The following GRID2 variants were observed in gnomAD, a reference collection of about 807,000 sequenced individuals.
GRID2 encodes the protein glutamate receptor ionotropic, delta-2.
GRID2 carries 33 observed loss-of-function variants against 114.8 expected under a neutral mutation model. The observed-to-expected ratio is 0.29, with a 90% confidence interval of 0.22 to 0.38. GRID2 has a LOEUF of 0.38. Among genes scored for constraint, GRID2 ranks in the 10% least tolerant of loss-of-function variants. GRID2 has a pLI of 1.00. For synonymous variants in GRID2, 505 were observed against 449.9 expected (o/e 1.12, Z -1.55); for missense variants, 1,184 against 1,257.7 (o/e 0.94, Z 0.89).
chr4:92,386,722 T>C (rs894592185), intron 1 of GRID2, among the ~76,000 whole-genome samples: 1 of 151,830 alleles, frequency 6.6e-6, no homozygotes, highest in Non-Finnish European at 1.5e-5. Context: ...CATAAGACAA[T>C]ATGGATTAAA....
rs565525334 is a variant in GRID2, at chr4:93,594,219, C to T, written c.2194-32050C>T. ...TTTTGGTCTTTGGTATGGTGATGTA[C>T]AGATGGGTTTTTGGTGTGGATGTCC... is the stretch of plus-strand genomic sequence containing the variant. On this transcript the variant is annotated intron_variant, in intron 13 of 15. Transcript: ENST00000282020. 3.8e-3 allele frequency among the ~76,000 whole-genome samples: 575 copies of T among 152,050 alleles called. 1 individual carries two copies. Among genetic ancestry groups the T allele is most frequent in the Admixed American group, 9.1e-3 (139 of 15,274 alleles).
intron 10 of GRID2, among the ~76,000 whole-genome samples, chr4:93,447,191 C>T (rs1371328265): frequency 6.6e-6 from 1 of 151,872 alleles, no homozygotes; most frequent in Non-Finnish European, 1.5e-5. Flanking sequence ...AACAAAAGCA[C>T]TACATGTAAA....
Position 93,600,487 on chromosome 4 carries a change from C to A in GRID2, c.2194-25782C>A, listed in dbSNP as rs369131984. On this transcript the variant is annotated intron_variant, in intron 13 of 15. Transcript: ENST00000282020. ...AATACTTAATTAACATCATTAGCCA[C>A]CAAGAAAATATAAATTGAAACCACA... 8.6e-5 allele frequency among the ~76,000 whole-genome samples: 13 copies of A among 151,830 alleles called. No homozygotes were observed. In the South Asian group the frequency reaches 1.0e-3, roughly 12 times the overall value.
chr4:93,579,848 T>G (rs1736787613), intron 13 of GRID2, among the ~76,000 whole-genome samples: 1 of 152,192 alleles, frequency 6.6e-6, no homozygotes, highest in Admixed American at 6.5e-5. Context: ...TTTCGTTTTC[T>G]TTATCCCTGT....
chr4:93,393,737 C>G (rs1765070469), intron 8 of GRID2, among the ~76,000 whole-genome samples: 1 of 151,892 alleles, frequency 6.6e-6, no homozygotes, highest in African/African-American at 2.4e-5. Context: ...CACTGTTAAT[C>G]CAGTTGCTGA....
At chr4:93,145,751 C>A (rs778383883) in intron 4 of GRID2, among the ~76,000 whole-genome samples, 6 of 139,370 alleles carry the variant, frequency 4.3e-5, no homozygotes, top group Non-Finnish European at 6.0e-5. Context: ...CCGCCTGGAC[C>A]TCTCAAAATT....
intron 14 of GRID2, among the ~76,000 whole-genome samples, chr4:93,764,613 T>A (rs2110321157): frequency 6.6e-6 from 1 of 152,296 alleles, no homozygotes; most frequent in South Asian, 2.1e-4. Flanking sequence ...GTAAGTGTTG[T>A]TATGCATCAC....
intron 13 of GRID2, among the ~76,000 whole-genome samples, chr4:93,520,337 T>G (rs935327038): frequency 7.3e-5 from 11 of 150,586 alleles, no homozygotes; most frequent in Non-Finnish European, 3.0e-5. Flanking sequence ...AGGGTAAGAA[T>G]GGAAAAAAAA....
intron 2 of GRID2, among the ~76,000 whole-genome samples, chr4:93,021,084 C>G (rs965496983): frequency 3.3e-5 from 5 of 150,786 alleles, no homozygotes; most frequent in Non-Finnish European, 7.4e-5. Context: ...AATTAATAAT[C>G]CTGTCATTAA....
chr4:93,716,662 A>G (rs1296707864), intron 14 of GRID2, among the ~76,000 whole-genome samples: 1 of 151,954 alleles, frequency 6.6e-6, no homozygotes, highest in Non-Finnish European at 1.5e-5. Flanking sequence ...ATATACATTT[A>G]TAATGAAAGT....
At chr4:93,327,242 T>G (rs1053675192) in intron 8 of GRID2, among the ~76,000 whole-genome samples, 1 of 152,208 alleles carries the variant, frequency 6.6e-6, no homozygotes, top group Non-Finnish European at 1.5e-5. Context: ...AAAGACTGCA[T>G]GATATTCCTT....
intron 1 of GRID2, among the ~76,000 whole-genome samples, chr4:92,376,856 G>A (rs1489565178): frequency 2.0e-5 from 3 of 152,122 alleles, no homozygotes; most frequent in Non-Finnish European, 2.9e-5. Flanking sequence ...CAAGGATGGA[G>A]TAGCTGGGAC....
intron 14 of GRID2, among the ~76,000 whole-genome samples, chr4:93,702,663 T>A (rs1727613713): frequency 6.6e-6 from 1 of 152,156 alleles, no homozygotes; most frequent in Non-Finnish European, 1.5e-5. Context: ...CTTCTGAAAG[T>A]GTTTGTATCA....
chr4:92,665,207 T>C (rs1732711381), intron 2 of GRID2, among the ~76,000 whole-genome samples: 1 of 150,686 alleles, frequency 6.6e-6, no homozygotes, highest in South Asian at 2.1e-4. Context: ...AGCTTTTTTG[T>C]GTGGTTACCA....
chr4:93,276,676 A>C (rs1403005518), intron 8 of GRID2, among the ~76,000 whole-genome samples: 3 of 151,960 alleles, frequency 2.0e-5, no homozygotes, highest in Admixed American at 6.6e-5. Context: ...TTTTGATACT[A>C]TTGTGAGTGA....
intron 4 of GRID2, among the ~76,000 whole-genome samples, chr4:93,139,342 A>G (rs1299503891): frequency 1.3e-5 from 2 of 152,126 alleles, no homozygotes; most frequent in Non-Finnish European, 2.9e-5. Context: ...GGCCAGGGGA[A>G]TCAATACACT....
At chr4:92,565,982 T>A (rs955988760) in intron 1 of GRID2, among the ~76,000 whole-genome samples, 1 of 152,024 alleles carries the variant, frequency 6.6e-6, no homozygotes, top group Non-Finnish European at 1.5e-5. Context: ...AAGTATTACC[T>A]AGGTTGAGTT....
intron 8 of GRID2, among the ~76,000 whole-genome samples, chr4:93,328,842 G>C (rs1758135093): frequency 6.6e-6 from 1 of 152,036 alleles, no homozygotes; most frequent in Non-Finnish European, 1.5e-5. Context: ...GATTTGAAAG[G>C]CATGAATTCA....
intron 4 of GRID2, among the ~76,000 whole-genome samples, chr4:93,198,730 A>G (rs1367514522): frequency 2.6e-5 from 4 of 152,128 alleles, no homozygotes; most frequent in Admixed American, 6.6e-5. Context: ...TCAAACAGAG[A>G]AACTGAGAAG....
Sources: allele counts gnomAD v4.1 joint callset (sites outside exome capture counted in the v4.1 genomes callset), GRCh38; gene constraint gnomAD v4.1.1; transcripts MANE v1.5; gene names NCBI Gene and HGNC (gene_info 2026-07-23, HGNC 2026-07-21).